Variants in CALD1 observed in about 807,000 individuals in gnomAD.
The protein encoded by CALD1 is caldesmon.
CALD1 carries 33 observed loss-of-function variants against 99.9 expected under a neutral mutation model. The observed-to-expected ratio is 0.33, with a 90% CI of 0.25 to 0.44. The LOEUF (loss-of-function observed/expected upper bound fraction) is 0.44. Among genes scored for constraint, CALD1 ranks in the 20% least tolerant of loss-of-function variants. The pLI is 1.00. For missense variants in CALD1, 861 were observed against 962.1 expected, an observed-to-expected ratio of 0.89 and a Z score of 1.39; for synonymous variants, 310 against 325.0, an observed-to-expected ratio of 0.95 and a Z score of 0.50.
At position 134,897,745 on chromosome 7, in the gene CALD1, C is replaced by A. The variant is rs148531317; in HGVS notation, c.71+29941C>A. Among the ~76,000 whole-genome samples, 956 of 152,174 alleles carry A rather than the reference C, an allele frequency of 6.3e-3. 14 individuals are homozygous for A. Among genetic ancestry groups the A allele is most frequent in the African/African-American group, 0.022 (912 of 41,504 alleles). On this transcript the variant is annotated intron_variant, in intron 3 of 14. Coordinates refer to ENST00000361675, the MANE Select transcript of CALD1 (RefSeq NM_033138.4). ...GTTTTTTCAAGGGAAGGTCTCTGGT[C>A]ACTCAGTCTGGAGTGCAGTGGCACA...
At chr7:134,785,354 C>G (rs1170326480) in intron 1 of CALD1, among the ~76,000 whole-genome samples, 1 of 152,220 alleles carries the variant, frequency 6.6e-6, no homozygotes, top group African/African-American at 2.4e-5. Flanking sequence ...CAAGAAACTT[C>G]ATATGAATCT....
At chr7:134,758,681 AAC>A (rs1250804959) in intron 1 of CALD1, among the ~76,000 whole-genome samples, 3 of 152,110 alleles carry the variant, frequency 2.0e-5, no homozygotes, top group Admixed American at 6.5e-5. Context: ...TACTTTGTGA[AAC>A]AGTTTTATTT....
At chr7:134,875,593 C>T (rs986140190) in intron 3 of CALD1, among the ~76,000 whole-genome samples, 1 of 152,186 alleles carries the variant, frequency 6.6e-6, no homozygotes, top group African/African-American at 2.4e-5. Context: ...GCCGAGATCA[C>T]GCCATTGCAC....
chr7:134,728,811 T>C, the CALD1 span, among the ~76,000 whole-genome samples: 3 of 150,280 alleles, frequency 2.0e-5, no homozygotes, highest in Non-Finnish European at 1.5e-5. Flanking sequence ...AATACAAAAA[T>C]CACAGGAGGA....
At chr7:134,945,601 T>A (rs1387782623) in intron 7 of CALD1, among the ~76,000 whole-genome samples, 18 of 152,192 alleles carry the variant, frequency 1.2e-4, no homozygotes, top group Admixed American at 1.2e-3. Flanking sequence ...TAACCTGACA[T>A]CTTCCCAGTT....
At chr7:134,892,712 G>A (rs915963678) in intron 3 of CALD1, among the ~76,000 whole-genome samples, 35 of 152,276 alleles carry the variant, frequency 2.3e-4, no homozygotes, top group African/African-American at 7.9e-4. Context: ...ATAGTCCAGT[G>A]CTTATCAAAC....
chr7:134,946,703 CAG>C (rs1377496469), intron 7 of CALD1, among the ~76,000 whole-genome samples: 1 of 149,090 alleles, frequency 6.7e-6, no homozygotes, highest in Admixed American at 6.7e-5. Context: ...TTCTTACAGA[CAG>C]AGTCTCGCTT....
At chr7:134,936,370 A>G (rs1805973025) in intron 6 of CALD1, among the ~76,000 whole-genome samples, 1 of 152,250 alleles carries the variant, frequency 6.6e-6, no homozygotes, top group African/African-American at 2.4e-5. Flanking sequence ...CTATACAGAT[A>G]GAATGGCACG....
At chr7:134,713,841 C>T in the CALD1 span, among the ~76,000 whole-genome samples, 3 of 152,102 alleles carry the variant, frequency 2.0e-5, no homozygotes, top group Non-Finnish European at 4.4e-5. Flanking sequence ...CTCCAAACTG[C>T]AGAGAGAAAA....
intron 3 of CALD1, among the ~76,000 whole-genome samples, chr7:134,887,638 A>G (rs1310524615): frequency 2.0e-5 from 3 of 150,406 alleles, no homozygotes; most frequent in East Asian, 2.0e-4. Flanking sequence ...CTGTGTGTAC[A>G]TGCATGTCTG....
At position 134,895,094 on chromosome 7, in the gene CALD1, GAAATAAATAAAT is replaced by G. The variant is rs199802906; in HGVS notation, c.71+27325_71+27336del. ...GGAACTGAATCCAAAACAGTGCTGGGAAATAAATAAATAAATAAATAAATAAATAAATAAATA... is the reference window on the plus strand; with the variant it reads ...GGAACTGAATCCAAAACAGTGCTGGGAAATAAATAAATAAATAAATAAATA... On this transcript the variant is annotated intron_variant, in intron 3 of 14. Coordinates refer to ENST00000361675, the MANE Select transcript of CALD1 (RefSeq NM_033138.4). Among the ~76,000 whole-genome samples the G allele has an allele frequency of 1.2e-3, 176 of 143,040 alleles. 1 individual carries two copies. Among genetic ancestry groups the G allele is most frequent in the South Asian group, 4.8e-3 (21 of 4,412 alleles). 93.8% of individuals were successfully genotyped at this position (143,040 alleles called of 152,430 possible).
rs553959070 is a variant in CALD1 at position 134,943,627 on chromosome 7, G to A, written c.1532+2390G>A. ...AGGTAGAAATTAAAAGATTTTTTCCGATTATAGAAAAAAATACTCATTATA... is the reference window on the plus strand; with the variant it reads ...AGGTAGAAATTAAAAGATTTTTTCCAATTATAGAAAAAAATACTCATTATA... On this transcript the variant is annotated intron_variant, in intron 7 of 14. Transcript: ENST00000361675. Among the ~76,000 whole-genome samples, 278 of 151,694 alleles carry A rather than the reference G, an allele frequency of 1.8e-3. 2 individuals are homozygous for A. The highest frequency in any genetic ancestry group is 6.5e-3 in the African/African-American group (267 of 41,332).
chr7:134,721,172 A>G, the CALD1 span, among the ~76,000 whole-genome samples: 2 of 152,218 alleles, frequency 1.3e-5, no homozygotes, highest in African/African-American at 4.8e-5. Flanking sequence ...GCAGTGGAGC[A>G]GCCCTCTGGA....
At chr7:134,844,819 G>A (rs1032448836) in intron 2 of CALD1, among the ~76,000 whole-genome samples, 1 of 152,050 alleles carries the variant, frequency 6.6e-6, no homozygotes, top group Non-Finnish European at 1.5e-5. Context: ...ACACCTGTCT[G>A]GTGTCTTTCT....
At chr7:134,763,386 T>C (rs1219552340) in intron 1 of CALD1, among the ~76,000 whole-genome samples, 2 of 152,198 alleles carry the variant, frequency 1.3e-5, no homozygotes, top group Non-Finnish European at 2.9e-5. Flanking sequence ...CCTCTGGTAT[T>C]ATTTTAGGGA....
the CALD1 span, among the ~76,000 whole-genome samples, chr7:134,732,939 G>T: frequency 2.7e-4 from 41 of 152,198 alleles, no homozygotes; most frequent in East Asian, 7.7e-4. Flanking sequence ...AAATCTCTTG[G>T]CAGGAGTGCA....
At position 134,968,663 on chromosome 7, in the gene CALD1, C is replaced by T. The variant is rs1196636621; in HGVS notation, c.*318C>T. ...ACCACATCTGAAGTCAACAGAAGAT[C>T]CAAGTTTAAAATTGCCTGCGGAATG... On this transcript the variant is annotated 3_prime_UTR_variant, in exon 15 of 15. Coordinates refer to ENST00000361675, the MANE Select transcript of CALD1 (RefSeq NM_033138.4). The T allele has an allele frequency of 1.8e-6, 1 of 568,962 alleles. No individual in the cohort carries two copies. The highest frequency in any genetic ancestry group is 1.9e-5 in the African/African-American group (1 of 53,674). 35.2% of individuals were successfully genotyped at this position (568,962 alleles called of 1,614,324 possible). A position where few individuals can be genotyped will look rare whatever the true frequency, so the allele number is the denominator to read the frequency against.
intron 6 of CALD1, 130 bp downstream of exon 6, chr7:134,935,895 C>G: frequency 2.4e-6 from 2 of 830,632 alleles, no homozygotes; most frequent in Non-Finnish European, 1.8e-6. Flanking sequence ...GACTCACAGT[C>G]CACTGAATAG....
intron 1 of CALD1, among the ~76,000 whole-genome samples, chr7:134,843,292 T>C (rs1419779916): frequency 6.6e-6 from 1 of 152,148 alleles, no homozygotes; most frequent in African/African-American, 2.4e-5. Context: ...AGTTGCGAGG[T>C]AACTGATGGG....
Sources: gnomAD v4.1 joint callset for allele counts (sites outside exome capture counted in the v4.1 genomes callset) on GRCh38, gnomAD v4.1.1 for gene constraint, MANE v1.5 for transcripts, NCBI Gene and HGNC (gene_info 2026-07-23, HGNC 2026-07-21) for gene names.